The following HIVEP2 variants were observed in gnomAD, a reference collection of about 807,000 sequenced individuals.
The protein encoded by HIVEP2 is transcription factor HIVEP2.
Under a neutral mutation model 180.7 loss-of-function variants are expected in HIVEP2, and 14 were observed. The observed-to-expected ratio is 0.08, with a 90% CI of 0.05 to 0.12. HIVEP2 has a LOEUF of 0.12. HIVEP2 is among the 10% of genes least tolerant of loss of function. The pLI, the probability that HIVEP2 is intolerant of heterozygous loss-of-function variation, is 1.00. For missense variants in HIVEP2, 2,579 were observed against 3,008.5 expected, an observed-to-expected ratio of 0.86 and a Z score of 3.34; for synonymous variants, 1,184 against 1,136.4, an observed-to-expected ratio of 1.04 and a Z score of -0.84.
At chr6:142,858,854 A>T (rs879458998) in intron 1 of HIVEP2, among the ~76,000 whole-genome samples, 1 of 152,080 alleles carries the variant, frequency 6.6e-6, no homozygotes, top group Non-Finnish European at 1.5e-5. Flanking sequence ...TTGACCTCCC[A>T]AAGTGCTGGG....
At chr6:142,920,363 T>G (rs1777656048) in intron 1 of HIVEP2, among the ~76,000 whole-genome samples, 1 of 152,200 alleles carries the variant, frequency 6.6e-6, no homozygotes, top group African/African-American at 2.4e-5. Context: ...CACATGTGAG[T>G]GGCTCACGGC....
At chr6:142,796,464 T>A (rs1776281070) in intron 2 of HIVEP2, among the ~76,000 whole-genome samples, 1 of 152,288 alleles carries the variant, frequency 6.6e-6, no homozygotes, top group African/African-American at 2.4e-5. Flanking sequence ...AATAATAAGC[T>A]AGAAAAAATG....
intron 1 of HIVEP2, among the ~76,000 whole-genome samples, chr6:142,895,888 A>G (rs1345619523): frequency 6.6e-6 from 1 of 152,126 alleles, no homozygotes; most frequent in Non-Finnish European, 1.5e-5. Flanking sequence ...TTGGTGTTTC[A>G]TTTTCATATA....
chr6:142,813,277 A>G (rs1388966734), intron 2 of HIVEP2, among the ~76,000 whole-genome samples: 1 of 152,102 alleles, frequency 6.6e-6, no homozygotes, highest in Non-Finnish European at 1.5e-5. Context: ...CAAAATTGTT[A>G]TGAGGGCTAA....
At chr6:142,799,160 A>G (rs1166199879) in intron 2 of HIVEP2, among the ~76,000 whole-genome samples, 2 of 152,328 alleles carry the variant, frequency 1.3e-5, no homozygotes, top group East Asian at 3.9e-4. Context: ...TATTACTTAA[A>G]GCATGAAATG....
At chr6:142,775,336 T>C (rs1199827476) in intron 4 of HIVEP2, among the ~76,000 whole-genome samples, 4 of 152,218 alleles carry the variant, frequency 2.6e-5, no homozygotes, top group African/African-American at 9.6e-5. Flanking sequence ...GTCTCTTCCA[T>C]GTTTGAATTT....
chr6:142,816,078 T>C (rs1017456503), intron 2 of HIVEP2, among the ~76,000 whole-genome samples: 1 of 152,132 alleles, frequency 6.6e-6, no homozygotes, highest in Non-Finnish European at 1.5e-5. Context: ...GCTCTAAACA[T>C]CAATTAAGTG....
At position 142,770,720 on chromosome 6, in the gene HIVEP2, G is replaced by T; in HGVS notation, c.4019C>A (p.Thr1340Lys). Residue 1340 changes from threonine (T) to lysine (K), a missense_variant, in exon 5 of 10, where the codon ACG (threonine) becomes AAG (lysine). By Grantham distance (78) the Thr-to-Lys change is moderately conservative (BLOSUM62 -1). Around this residue, in one of 11 missense-constraint regions of HIVEP2, gnomAD observed 523 missense variants for 577.0 expected, o/e 0.91. Transcript: ENST00000367603. The surrounding 1 kb of genome is among the most constrained non-coding windows in gnomAD (Gnocchi z 4.7). ...GACACTTCCATAGGATGGTACGTGC[G>T]TCTGGATCCGAACAGGAACCACTGT... Reference protein sequence around the residue: ...PGTVVPVRIQTHVPSYGSVMY... With the variant: ...PGTVVPVRIQKHVPSYGSVMY... 1.2e-6 allele frequency: 2 copies of T among 1,614,154 alleles called. No homozygotes were observed. Among genetic ancestry groups the T allele is most frequent in the Non-Finnish European group, 1.7e-6 (2 of 1,180,016 alleles).
At chr6:142,830,202 C>G (rs1775039995) in intron 2 of HIVEP2, among the ~76,000 whole-genome samples, 1 of 151,508 alleles carries the variant, frequency 6.6e-6, no homozygotes, top group South Asian at 2.1e-4. Flanking sequence ...TTTTTTAAAG[C>G]TCAATTAAAA....
intron 1 of HIVEP2, among the ~76,000 whole-genome samples, chr6:142,879,109 C>T (rs773396760): frequency 6.6e-6 from 1 of 152,080 alleles, no homozygotes; most frequent in Non-Finnish European, 1.5e-5. Flanking sequence ...ATTACGAAAG[C>T]CGGCAAAAAT....
intron 1 of HIVEP2, among the ~76,000 whole-genome samples, chr6:142,929,894 C>T (rs942556207): frequency 5.9e-5 from 9 of 152,150 alleles, no homozygotes; most frequent in Admixed American, 5.9e-4. Flanking sequence ...TTTGATATGG[C>T]CAGACTGTAT....
chr6:142,923,974 G>A (rs563169226), intron 1 of HIVEP2, among the ~76,000 whole-genome samples: 4 of 152,322 alleles, frequency 2.6e-5, no homozygotes, highest in African/African-American at 9.6e-5. Flanking sequence ...TAGTTAAAAT[G>A]ATTCAAATTC....
intron 2 of HIVEP2, among the ~76,000 whole-genome samples, chr6:142,820,934 T>C (rs1414536467): frequency 3.3e-5 from 5 of 152,272 alleles, no homozygotes; most frequent in Middle Eastern, 6.8e-3. Flanking sequence ...TCAACCAGTG[T>C]TCAAGAAGAG....
chr6:142,775,572 C>T (rs1476696429), intron 4 of HIVEP2, among the ~76,000 whole-genome samples: 1 of 152,066 alleles, frequency 6.6e-6, no homozygotes, highest in Non-Finnish European at 1.5e-5. Flanking sequence ...CATGGTGGCT[C>T]ACGCCTGTAA....
At chr6:142,928,855 C>G (rs1316679806) in intron 1 of HIVEP2, among the ~76,000 whole-genome samples, 1 of 152,188 alleles carries the variant, frequency 6.6e-6, no homozygotes, top group Non-Finnish European at 1.5e-5. Context: ...TTCTTTACTT[C>G]CCAGTGGCCA....
chr6:142,775,057 A>G lies in HIVEP2; in HGVS notation c.-319T>C, dbSNP rs1308154201. ...CTAGGATGAAATTGGGATGATGAAT[A>G]GTCTAGGAGAAATTTTGCCCATCAA... On this transcript the variant is annotated 5_prime_UTR_variant, in exon 5 of 10. Coordinates refer to ENST00000367603, the MANE Select transcript of HIVEP2 (RefSeq NM_006734.4). 2.8e-6 allele frequency: 3 copies of G among 1,065,158 alleles called. No individual in the cohort carries two copies. The Admixed American group carries it at 1.5e-4, about 52-fold the overall frequency. The allele number at this position is 1,065,158 out of a possible 1,614,324, so 66.0% of individuals were successfully genotyped here.
intron 2 of HIVEP2, among the ~76,000 whole-genome samples, chr6:142,817,127 A>C (rs1249334323): frequency 6.6e-6 from 1 of 152,164 alleles, no homozygotes; most frequent in African/African-American, 2.4e-5. Flanking sequence ...AATACAAACT[A>C]AGGTTGGAGG....
chr6:142,771,126 A>T lies in HIVEP2; in HGVS notation c.3613T>A (p.Leu1205Met). ...TIPFSPIQNA[L>M]FQFQYPTVCM... ...ACTGTAGGATACTGAAACTGAAACA[A>T]GGCATTCTGGATTGGAGAAAATGGA... is the stretch of plus-strand genomic sequence containing the variant. The change falls in exon 5 of 10, where the codon TTG becomes ATG. Residue 1205 changes from leucine (L) to methionine (M), a missense_variant. Physicochemically the swap from Leu to Met is conservative, Grantham distance 15 (BLOSUM62 2). This residue lies in a region of HIVEP2 where 523 missense variants were observed against 577.0 expected (regional missense o/e 0.91). Transcript: ENST00000367603. The surrounding 1 kb of genome is among the most constrained non-coding windows in gnomAD (Gnocchi z 5.4). 6.2e-7 allele frequency: 1 copy of T among 1,614,250 alleles called. No individual in the cohort carries two copies. Among genetic ancestry groups the T allele is most frequent in the Non-Finnish European group, 8.5e-7 (1 of 1,180,040 alleles).
chr6:142,935,255 G>A (rs1778024096), intron 1 of HIVEP2, among the ~76,000 whole-genome samples: 1 of 152,198 alleles, frequency 6.6e-6, no homozygotes, highest in Non-Finnish European at 1.5e-5. Flanking sequence ...GCACTTAAGA[G>A]TGCACAGACA....
Sources: gnomAD v4.1 joint callset for allele counts (sites outside exome capture counted in the v4.1 genomes callset) on GRCh38, gnomAD v4.1.1 for gene constraint, gnomAD v4.1.1 regional missense constraint, Gnocchi (gnomAD v3.1) non-coding constraint, MANE v1.5 for transcripts, NCBI Gene and HGNC (gene_info 2026-07-23, HGNC 2026-07-21) for gene names.